Variants in DOCK9 observed in about 807,000 individuals in gnomAD.
The protein encoded by DOCK9 is dedicator of cytokinesis 9.
DOCK9 carries 89 observed loss-of-function variants against 263.3 expected under a neutral mutation model. The observed-to-expected ratio is 0.34, with a 90% CI of 0.28 to 0.40. DOCK9 has a LOEUF of 0.40. DOCK9 is among the 10% of genes least tolerant of loss of function. The pLI is 1.00. For missense variants in DOCK9, 2,140 were observed against 2,603.4 expected (o/e 0.82, Z 3.87); for synonymous variants, 976 against 973.1 (o/e 1.00, Z -0.06).
intron 1 of DOCK9, among the ~76,000 whole-genome samples, chr13:99,056,236 C>T (rs1359373135): frequency 1.3e-5 from 2 of 152,078 alleles, no homozygotes; most frequent in Non-Finnish European, 2.9e-5. Flanking sequence ...TGAGATGTTT[C>T]ACCATACAAA....
intron 1 of DOCK9, among the ~76,000 whole-genome samples, chr13:99,014,845 G>A (rs896837000): frequency 6.6e-6 from 1 of 152,122 alleles, no homozygotes; most frequent in East Asian, 1.9e-4. Context: ...CCTGATAAAG[G>A]GACAGAACAC....
intron 3 of DOCK9, among the ~76,000 whole-genome samples, chr13:98,926,947 G>A (rs1232213792): frequency 6.6e-6 from 1 of 152,198 alleles, no homozygotes; most frequent in African/African-American, 2.4e-5. Context: ...TGTGTCACAG[G>A]CCATGCCTGA....
At chr13:98,875,909 G>C (rs990088140) in intron 27 of DOCK9, among the ~76,000 whole-genome samples, 1 of 152,082 alleles carries the variant, frequency 6.6e-6, no homozygotes, top group African/African-American at 2.4e-5. Flanking sequence ...GGTTGGCTGG[G>C]GACAAGAACA....
chr13:99,030,789 C>T (rs1433035402), intron 1 of DOCK9, among the ~76,000 whole-genome samples: 1 of 152,192 alleles, frequency 6.6e-6, no homozygotes, highest in Non-Finnish European at 1.5e-5. Context: ...ACGAATGTGA[C>T]TTTGAACTCA....
At position 98,829,909 on chromosome 13, in the gene DOCK9, C is replaced by G. The variant is rs1433523474; in HGVS notation, c.4636-153G>C. 6.6e-6 allele frequency among the ~76,000 whole-genome samples: 1 copy of G among 152,202 alleles called. No individual in the cohort carries two copies. The highest frequency in any genetic ancestry group is 2.4e-5 in the African/African-American group (1 of 41,444). On this transcript the variant is annotated intron_variant, in intron 41 of 52. Coordinates refer to ENST00000682017, the MANE Select transcript of DOCK9 (RefSeq NM_001366683.2). The surrounding 1 kb of genome is among the most constrained non-coding windows in gnomAD (Gnocchi z 4.1). ...GGTCGCTCCGTGTAGGAAACAATGT[C>G]TGAGGTATTTTCTTCCCCTTTAAGA...
chr13:98,999,984 G>GA (rs1359427353), intron 1 of DOCK9, among the ~76,000 whole-genome samples: 3 of 151,994 alleles, frequency 2.0e-5, no homozygotes, highest in Non-Finnish European at 2.9e-5. Context: ...GTTAAAAAAA[G>GA]AAAAAAAGAA....
intron 18 of DOCK9, among the ~76,000 whole-genome samples, chr13:98,886,903 A>C (rs182694251): frequency 1.8e-4 from 27 of 152,076 alleles, no homozygotes; most frequent in African/African-American, 6.0e-4. Context: ...TTTCTTATGC[A>C]ATTCTTCTGT....
chr13:98,802,545 G>C lies in DOCK9; in HGVS notation c.5726-2067C>G, dbSNP rs180923563. ...TCCAGGTTTGGAAGACTCTGGAATA[G>C]TGACTGGGAAGAAACTCCTTGGCAA... On this transcript the variant is annotated intron_variant, in intron 49 of 52. Transcript: ENST00000682017. 1.7e-3 allele frequency among the ~76,000 whole-genome samples: 258 copies of C among 152,350 alleles called. 3 individuals are homozygous for C. The South Asian group carries it at 0.022, about 13-fold the overall frequency.
intron 1 of DOCK9, among the ~76,000 whole-genome samples, chr13:99,042,460 T>A (rs1888555508): frequency 6.6e-6 from 1 of 152,216 alleles, no homozygotes; most frequent in East Asian, 1.9e-4. Context: ...ATGGGGGACG[T>A]GAGTCCCACG....
intron 34 of DOCK9, among the ~76,000 whole-genome samples, chr13:98,855,193 T>C (rs565368422): frequency 3.3e-5 from 5 of 152,340 alleles, no homozygotes; most frequent in South Asian, 4.1e-4. Flanking sequence ...ATCACCTATA[T>C]GATCAATTAT....
At chr13:99,011,811 G>A (rs190623476) in intron 1 of DOCK9, among the ~76,000 whole-genome samples, 2 of 152,284 alleles carry the variant, frequency 1.3e-5, no homozygotes, top group East Asian at 3.9e-4. Flanking sequence ...TCCAGTATCA[G>A]CATTCTTTTT....
At chr13:98,842,171 C>T (rs958975933) in intron 38 of DOCK9, among the ~76,000 whole-genome samples, 2 of 152,116 alleles carry the variant, frequency 1.3e-5, no homozygotes, top group Non-Finnish European at 2.9e-5. Flanking sequence ...AAAGACATTT[C>T]GGAGTTAAAT....
chr13:98,977,998 AG>A lies in DOCK9; in HGVS notation c.-90del, dbSNP rs1875667182. On this transcript the variant is annotated 5_prime_UTR_variant, in exon 1 of 53. Coordinates refer to ENST00000682017, the MANE Select transcript of DOCK9 (RefSeq NM_001366683.2). Reference sequence around the variant, plus strand: ...AAGGCACAGGCATGCCAGTGGTCCAAGGAAGGAAAGGAAACTGGCTTCCCAG... The same window carrying A: ...AAGGCACAGGCATGCCAGTGGTCCAAGAAGGAAAGGAAACTGGCTTCCCAG... 10 of 1,467,318 alleles carry A rather than the reference AG, an allele frequency of 6.8e-6. No homozygotes were observed. The highest frequency in any genetic ancestry group is 9.0e-6 in the Non-Finnish European group (10 of 1,110,248). 90.9% of individuals were successfully genotyped at this position (1,467,318 alleles called of 1,614,324 possible).
intron 1 of DOCK9, among the ~76,000 whole-genome samples, chr13:98,973,213 C>G (rs1475780948): frequency 6.6e-6 from 1 of 152,184 alleles, no homozygotes; most frequent in Non-Finnish European, 1.5e-5. Context: ...AGGCTATTGT[C>G]TAAGCATAAT....
rs764783336 is a variant in DOCK9, at chr13:98,915,405, G to A, written c.816C>T (p.Ile272=). Residue 272 remains isoleucine (I), a synonymous_variant, in exon 8 of 53, where the codon ATC becomes ATT. Transcript: ENST00000682017. ...ADSEVEMEEW[I]TILNKILQLN... The stretch of plus-strand genomic sequence containing the variant: ...GCTGGAGGATCTTATTTAGAATTGT[G>A]ATCCATTCTTCCATTTCCACTTCAC... 5 of 1,613,912 alleles carry A rather than the reference G, an allele frequency of 3.1e-6. No individual in the cohort carries two copies. The highest frequency in any genetic ancestry group is 4.2e-6 in the Non-Finnish European group (5 of 1,179,848).
chr13:98,902,370 G>A lies in DOCK9; in HGVS notation c.1298C>T (p.Pro433Leu), dbSNP rs112610686. ...CTGCCCACTGCCATTCATCAGCGCC[G>A]GGGACGTGGTGGCGAGCATTTGCCT... ...SVRQMLATTS[P>L]ALMNGSGQSP... The change falls in exon 12 of 53, where the codon CCG becomes CTG. Residue 433 changes from proline to leucine, a missense_variant. Physicochemically the swap from Pro to Leu is moderately conservative, Grantham distance 98. Around this residue, in one of 2 missense-constraint regions of DOCK9, gnomAD observed 1,521 missense variants for 1,741.7 expected, o/e 0.87. Coordinates refer to ENST00000682017, the MANE Select transcript of DOCK9 (RefSeq NM_001366683.2). 3.9e-5 allele frequency: 63 copies of A among 1,614,012 alleles called. No individual in the cohort carries two copies. The highest frequency in any genetic ancestry group is 2.0e-4 in the South Asian group (18 of 91,074).
intron 2 of DOCK9, among the ~76,000 whole-genome samples, chr13:98,933,302 A>G (rs1015692409): frequency 1.3e-5 from 2 of 152,178 alleles, no homozygotes; most frequent in African/African-American, 4.8e-5. Flanking sequence ...ACACCCCTCT[A>G]AGGTGAGAAA....
chr13:99,069,347 T>G (rs1280641796), intron 1 of DOCK9, among the ~76,000 whole-genome samples: 1 of 152,230 alleles, frequency 6.6e-6, no homozygotes, highest in Non-Finnish European at 1.5e-5. Flanking sequence ...AATGCAGAAC[T>G]CCTTTCTTGG....
At chr13:98,886,812 T>C (rs149910399) in intron 18 of DOCK9, among the ~76,000 whole-genome samples, 188 bp from the exon 19 acceptor site, 14 of 152,300 alleles carry the variant, frequency 9.2e-5, no homozygotes, top group African/African-American at 3.1e-4. Context: ...GAAGCCCATC[T>C]GCCTGCTCCC....
Sources: gnomAD v4.1 joint callset for allele counts (sites outside exome capture counted in the v4.1 genomes callset) on GRCh38, gnomAD v4.1.1 for gene constraint, gnomAD v4.1.1 regional missense constraint, Gnocchi (gnomAD v3.1) non-coding constraint, MANE v1.5 for transcripts, NCBI Gene and HGNC (gene_info 2026-07-23, HGNC 2026-07-21) for gene names.